Variants in RAB37 observed in about 807,000 individuals in gnomAD.
The protein encoded by RAB37 is RAB37, member RAS oncogene family.
RAB37 carries 29 observed loss-of-function variants against 33.1 expected under a neutral mutation model. That is an observed-to-expected ratio of 0.88 (90% CI 0.65 to 1.20). The LOEUF (loss-of-function observed/expected upper bound fraction) is 1.20, where lower values mean the gene tolerates loss of function less well. Ranked by LOEUF, RAB37 falls within the 50% of genes most tolerant of loss-of-function variation. RAB37 has a pLI of 0.00. For missense variants in RAB37, 299 were observed against 301.1 expected (o/e 0.99, Z 0.05); for synonymous variants, 128 against 119.5 (o/e 1.07, Z -0.47).
At chr17:74,697,637 T>G (rs1598211515) in intron 1 of RAB37, among the ~76,000 whole-genome samples, 1 of 152,106 alleles carries the variant, frequency 6.6e-6, no homozygotes, top group Non-Finnish European at 1.5e-5. Context: ...TACAATTGTG[T>G]GAGAATGTGG....
chr17:74,717,808 TA>T lies in RAB37; in HGVS notation c.73-11429del, dbSNP rs34747683. Among the ~76,000 whole-genome samples the T allele has an allele frequency of 7.0e-3, 648 of 92,054 alleles. 3 individuals carry two copies. Among genetic ancestry groups the T allele is most frequent in the African/African-American group, 0.019 (450 of 24,118 alleles). 60.4% of individuals were successfully genotyped at this position (92,054 alleles called of 152,430 possible). ...TGGGCAGCAAGAGCGAAACTCCATCTAAAAAAAAAAAAAAAAAAACAGAAAA... is the reference window on the plus strand; with the variant it reads ...TGGGCAGCAAGAGCGAAACTCCATCTAAAAAAAAAAAAAAAAAACAGAAAA... On this transcript the variant is annotated intron_variant, in intron 1 of 7. Transcript: ENST00000340415.
chr17:74,737,595 C>T (rs2034511469), intron 1 of RAB37, among the ~76,000 whole-genome samples: 1 of 152,112 alleles, frequency 6.6e-6, no homozygotes, highest in Non-Finnish European at 1.5e-5. Context: ...CCCCGCCGGC[C>T]CCAACTCAGT....
upstream of RAB37, chr17:74,737,084 C>T (rs776204456): frequency 5.6e-6 from 9 of 1,606,696 alleles, no homozygotes; most frequent in Non-Finnish European, 6.8e-6. Context: ...TCACGCAGAC[C>T]CTGCGGCTCT....
intron 1 of RAB37, among the ~76,000 whole-genome samples, chr17:74,690,447 G>A (rs2032138176): frequency 6.6e-6 from 1 of 151,974 alleles, no homozygotes; most frequent in African/African-American, 2.4e-5. Context: ...CAGACCTGAG[G>A]AACCATATTT....
intron 1 of RAB37, among the ~76,000 whole-genome samples, chr17:74,728,303 ATGTG>A (rs1271714941): frequency 1.4e-5 from 2 of 147,826 alleles, no homozygotes; most frequent in Admixed American, 6.7e-5. Context: ...TTCTGTGTGT[ATGTG>A]TGTGTTTGTG....
At chr17:74,697,336 C>T (rs2032589393) in intron 1 of RAB37, among the ~76,000 whole-genome samples, 1 of 152,138 alleles carries the variant, frequency 6.6e-6, no homozygotes, top group Non-Finnish European at 1.5e-5. Flanking sequence ...AGCCCCACAT[C>T]CCTGCCCTAG....
At chr17:74,710,381 T>A (rs1017693913) in intron 1 of RAB37, among the ~76,000 whole-genome samples, 1 of 152,228 alleles carries the variant, frequency 6.6e-6, no homozygotes, top group African/African-American at 2.4e-5. Flanking sequence ...AAAAAGTATT[T>A]TAATTCATAA....
At chr17:74,736,554 A>G, upstream of RAB37, 1 of 1,477,186 alleles carries the variant, frequency 6.8e-7, no homozygotes, top group Non-Finnish European at 8.9e-7. Flanking sequence ...CCCCGCCTTC[A>G]GGAGCGGTCC....
chr17:74,743,443 G>T (rs577578541), intron 5 of RAB37, 103 bp downstream of exon 5: 2 of 1,153,710 alleles, frequency 1.7e-6, no homozygotes, highest in Non-Finnish European at 2.6e-6. Context: ...GGAGCGTGGA[G>T]TCCTCCTGCC....
rs572381091 is a variant in RAB37 at position 74,707,236 on chromosome 17, C to CT, written c.73-22019dup. The stretch of plus-strand genomic sequence containing the variant: ...GAGAAAATATTTGCAAACCATAAAT[C>CT]TGACAAAGAGCTGATATCCAAAATA... On this transcript the variant is annotated intron_variant, in intron 1 of 7. Transcript: ENST00000340415. Among the ~76,000 whole-genome samples, 8 of 152,302 alleles carry CT rather than the reference C, an allele frequency of 5.3e-5. No individual in the cohort carries two copies. In the East Asian group the frequency reaches 1.5e-3, roughly 29 times the overall value.
chr17:74,686,281 C>T (rs1467504955), intron 1 of RAB37, among the ~76,000 whole-genome samples: 3 of 151,966 alleles, frequency 2.0e-5, no homozygotes, highest in South Asian at 2.1e-4. Flanking sequence ...TTAGTACAGA[C>T]GGGGTTTCAC....
chr17:74,740,942 G>T, intron 2 of RAB37, 64 bp downstream of exon 2: 3 of 1,249,406 alleles, frequency 2.4e-6, no homozygotes, highest in Non-Finnish European at 3.5e-6. Context: ...GCATGGGGGG[G>T]TTGCCCCCAC....
Position 74,744,905 on chromosome 17 carries a change from C to G in RAB37, c.465C>G (p.Ser155=), listed in dbSNP as rs1404676103. 7.4e-6 allele frequency: 12 copies of G among 1,614,256 alleles called. No individual in the cohort carries two copies. The highest frequency in any genetic ancestry group is 1.0e-5 in the Non-Finnish European group (12 of 1,180,046). The change falls in exon 7 of 9, where the codon TCC becomes TCG. Residue 155 remains serine, a synonymous_variant. Transcript: ENST00000392613. The surrounding 1 kb of genome is among the most constrained non-coding windows in gnomAD (Gnocchi z 4.2). ...TGAGCAGCGAAAGAGTGATCCGTTCCGAAGACGGAGAGACCTTGGCCAGGG... is the reference window on the plus strand; with the variant it reads ...TGAGCAGCGAAAGAGTGATCCGTTCGGAAGACGGAGAGACCTTGGCCAGGG... ...ADMSSERVIR[S]EDGETLAREY... is the part of the protein sequence containing the mutation.
intron 1 of RAB37, among the ~76,000 whole-genome samples, chr17:74,728,284 ATG>A (rs1408308709): frequency 2.6e-5 from 4 of 151,212 alleles, no homozygotes; most frequent in African/African-American, 4.9e-5. Flanking sequence ...GTCTGTGTGC[ATG>A]TGTGTGTTCT....
At position 74,671,397 on chromosome 17, in the gene RAB37, A is replaced by C. The variant is rs2031700339; in HGVS notation, c.-190A>C. 1 of 600,862 alleles carries C rather than the reference A, an allele frequency of 1.7e-6. No homozygotes were observed. The highest frequency in any genetic ancestry group is 1.9e-5 in the African/African-American group (1 of 53,852). The allele number at this position is 600,862 out of a possible 1,614,324, so 37.2% of individuals were successfully genotyped here. A position where few individuals can be genotyped will look rare whatever the true frequency, so the allele number is the denominator to read the frequency against. On this transcript the variant is annotated 5_prime_UTR_variant, in exon 1 of 8. Coordinates refer to the RAB37 transcript ENST00000340415. The surrounding 1 kb of genome is among the most constrained non-coding windows in gnomAD (Gnocchi z 5.0). ...TGCTGAAACGCTCAGTCCTGGAAGA[A>C]CGTGGCCGCCTGCCCGCCTGGTACC...
intron 1 of RAB37, among the ~76,000 whole-genome samples, chr17:74,679,059 C>T (rs1385918087): frequency 8.6e-5 from 13 of 150,906 alleles, no homozygotes; most frequent in South Asian, 2.1e-4. Flanking sequence ...TGCAGTGAGC[C>T]GAGATCGCAC....
At position 74,745,232 on chromosome 17, in the gene RAB37, A is replaced by G; in HGVS notation, c.567-74A>G. 1 of 1,543,960 alleles carries G rather than the reference A, an allele frequency of 6.5e-7. No homozygotes were observed. The highest frequency in any genetic ancestry group is 1.7e-4 in the Middle Eastern group (1 of 5,746). ...GCTCTGGGAGCACTGGGCCACTGGG[A>G]GAGGGGAGGGGGCGGCTCAGCTCCT... On this transcript the variant is annotated intron_variant, in intron 8 of 8. Coordinates refer to ENST00000392613, the MANE Select transcript of RAB37 (RefSeq NM_001006638.3). The surrounding 1 kb of genome is among the most constrained non-coding windows in gnomAD (Gnocchi z 4.5).
chr17:74,701,958 G>C (rs550506477), intron 1 of RAB37, among the ~76,000 whole-genome samples: 1 of 151,782 alleles, frequency 6.6e-6, no homozygotes, highest in Non-Finnish European at 1.5e-5. Context: ...AGAGGCAGAG[G>C]TTGCAGTGAG....
chr17:74,742,111 C>A lies in RAB37; in HGVS notation c.205-143C>A. The A allele has an allele frequency of 1.0e-6, 1 of 958,788 alleles. No individual in the cohort carries two copies. Among genetic ancestry groups the A allele is most frequent in the Non-Finnish European group, 1.6e-6 (1 of 637,434 alleles). The allele number at this position is 958,788 out of a possible 1,614,324, so 59.4% of individuals were successfully genotyped here. On this transcript the variant is annotated intron_variant, in intron 2 of 8. Coordinates refer to ENST00000392613, the MANE Select transcript of RAB37 (RefSeq NM_001006638.3). The surrounding 1 kb of genome is among the most constrained non-coding windows in gnomAD (Gnocchi z 4.0). ...TGTCTGGGTATGGGGTTCCTGCTGC[C>A]CTGATGGTATGATCTGGCTGGAGAC...
Sources: allele counts gnomAD v4.1 joint callset (sites outside exome capture counted in the v4.1 genomes callset), GRCh38; gene constraint gnomAD v4.1.1; non-coding constraint Gnocchi (gnomAD v3.1); transcripts MANE v1.5; gene names NCBI Gene and HGNC (gene_info 2026-07-23, HGNC 2026-07-21).